Variants in TXNRD1 observed in about 807,000 individuals in gnomAD.
TXNRD1 encodes the protein thioredoxin reductase 1, cytoplasmic.
In TXNRD1, 57 loss-of-function variants were observed where a neutral mutation model predicts 80.3. That is an observed-to-expected ratio of 0.71 (90% CI 0.57 to 0.89). The LOEUF (loss-of-function observed/expected upper bound fraction) is 0.89, where lower values mean the gene tolerates loss of function less well. TXNRD1 is among the 40% of genes least tolerant of loss of function. TXNRD1 has a pLI of 0.00. For missense variants in TXNRD1, 730 were observed against 803.0 expected, an observed-to-expected ratio of 0.91 and a Z score of 1.10; for synonymous variants, 291 against 285.2, an observed-to-expected ratio of 1.02 and a Z score of -0.20.
In TXNRD1 at chr12:104,321,632, T is replaced by C. The variant is rs114107196; in HGVS notation, c.1215+316T>C. ...TCTCTTAATACTTTGTTTCTTCATA[T>C]GTACCAGAGATTTAAATAAGAGTTC... is the stretch of plus-strand genomic sequence containing the variant. On this transcript the variant is annotated intron_variant, in intron 10 of 16. Coordinates refer to ENST00000525566, the MANE Select transcript of TXNRD1 (RefSeq NM_001093771.3). 4.4e-3 allele frequency among the ~76,000 whole-genome samples: 664 copies of C among 152,304 alleles called. 6 individuals carry two copies. The highest frequency in any genetic ancestry group is 0.015 in the African/African-American group (626 of 41,564).
intron 15 of TXNRD1, among the ~76,000 whole-genome samples, chr12:104,336,157 CA>C (rs1281971898): frequency 6.6e-6 from 1 of 152,234 alleles, no homozygotes; most frequent in Non-Finnish European, 1.5e-5. Context: ...TTCAATTGCT[CA>C]TAGCAGTCAG....
In TXNRD1 at chr12:104,309,947, A is replaced by G. The variant is rs1224062168; in HGVS notation, c.415-1343A>G. 3 of 1,536,000 alleles carry G rather than the reference A, an allele frequency of 2.0e-6. No individual in the cohort carries two copies. In the Admixed American group the frequency reaches 5.9e-5, roughly 30 times the overall value. On this transcript the variant is annotated intron_variant, in intron 4 of 16. Transcript: ENST00000525566. Reference sequence around the variant, plus strand: ...ACTACGTATGCCCGCCATGCTGCCAACAGGTAGCCACAGTGCTGTGCTTCC... The same window carrying G: ...ACTACGTATGCCCGCCATGCTGCCAGCAGGTAGCCACAGTGCTGTGCTTCC...
intron 2 of TXNRD1, among the ~76,000 whole-genome samples, chr12:104,255,955 G>A (rs4964728): frequency 0.79 from 119,875 of 152,110 alleles, 47,509 homozygotes; most frequent in East Asian, 0.87. Context: ...ATTAATTTTC[G>A]ATGTCTTTGG....
At chr12:104,291,104 G>A (rs1334020515) in intron 4 of TXNRD1, 1 of 641,376 alleles carries the variant, frequency 1.6e-6, no homozygotes, top group South Asian at 1.7e-5. Context: ...CATTTAGTGA[G>A]GTATAGTGCC....
chr12:104,339,860 T>C (rs571730781), intron 16 of TXNRD1, among the ~76,000 whole-genome samples: 2 of 152,342 alleles, frequency 1.3e-5, no homozygotes, highest in East Asian at 3.9e-4. Flanking sequence ...CACGTCATAC[T>C]ATACCAGCTT....
At chr12:104,265,967 A>C (rs1219494080) in intron 3 of TXNRD1, 5 of 611,420 alleles carry the variant, frequency 8.2e-6, no homozygotes, top group Non-Finnish European at 8.4e-6. Flanking sequence ...AAAAAAAAAA[A>C]AGAAAAGAAA....
At chr12:104,320,155 C>T (rs377440579) in intron 9 of TXNRD1, among the ~76,000 whole-genome samples, 1 of 152,126 alleles carries the variant, frequency 6.6e-6, no homozygotes, top group African/African-American at 2.4e-5. Context: ...TATTTTTGCC[C>T]GTCAAATGGT....
chr12:104,266,717 A>G (rs143874923), intron 3 of TXNRD1, among the ~76,000 whole-genome samples: 1 of 152,128 alleles, frequency 6.6e-6, no homozygotes, highest in African/African-American at 2.4e-5. Context: ...TACTCCTAGC[A>G]CTTTGGGAGG....
At chr12:104,287,190 A>G in intron 3 of TXNRD1, 1 of 1,577,512 alleles carries the variant, frequency 6.3e-7, no homozygotes. Context: ...GCCGGCGGGG[A>G]CGACAGCATT....
chr12:104,265,850 C>G, intron 3 of TXNRD1: 1 of 1,392,612 alleles, frequency 7.2e-7, no homozygotes, highest in Non-Finnish European at 9.9e-7. Flanking sequence ...GTGCAGGGCC[C>G]TCGTCCGGGT....
intron 16 of TXNRD1, among the ~76,000 whole-genome samples, chr12:104,343,525 C>T (rs777678770): frequency 6.6e-6 from 1 of 152,076 alleles, no homozygotes; most frequent in Non-Finnish European, 1.5e-5. Context: ...AGAGGCCAGG[C>T]GTGGTGGCTC....
At chr12:104,240,242 CAG>C (rs1210204914) in intron 1 of TXNRD1, among the ~76,000 whole-genome samples, 2 of 152,168 alleles carry the variant, frequency 1.3e-5, no homozygotes, top group East Asian at 3.9e-4. Flanking sequence ...GTTACTGAAT[CAG>C]AGAGAGTCTA....
intron 4 of TXNRD1, chr12:104,291,196 CTTTTTTTTTTTTT>C: frequency 7.4e-6 from 1 of 135,598 alleles, no homozygotes; most frequent in Non-Finnish European, 1.4e-5. Context: ...TACTTTGTGT[CTTTTTTTTTTTTT>C]TTTTTTTTTG....
intron 9 of TXNRD1, 68 bp from the exon 10 acceptor site, chr12:104,321,023 G>T (rs1020948953): frequency 1.4e-5 from 16 of 1,105,372 alleles, no homozygotes; most frequent in Non-Finnish European, 2.0e-5. Flanking sequence ...TGTGTACTTG[G>T]ATTTAGTAAT....
intron 1 of TXNRD1, among the ~76,000 whole-genome samples, chr12:104,222,905 C>T (rs769335133): frequency 3.3e-5 from 5 of 152,048 alleles, no homozygotes; most frequent in East Asian, 1.9e-4. Context: ...CAGAAATGTA[C>T]GAGTTAACAT....
intron 2 of TXNRD1, among the ~76,000 whole-genome samples, chr12:104,252,658 T>TATA (rs1491493630): frequency 2.5e-3 from 26 of 10,340 alleles, no homozygotes; most frequent in East Asian, 0.011. Flanking sequence ...TAATTTATTA[T>TATA]TTTTTATATA....
At chr12:104,293,706 C>T (rs1019143135) in intron 4 of TXNRD1, among the ~76,000 whole-genome samples, 4 of 152,046 alleles carry the variant, frequency 2.6e-5, no homozygotes, top group Admixed American at 6.6e-5. Context: ...TCCCTGTGTG[C>T]GGCGACGAGA....
chr12:104,215,978 A>C, intron 1 of TXNRD1, 85 bp downstream of exon 1: 1 of 1,199,816 alleles, frequency 8.3e-7, no homozygotes, highest in Non-Finnish European at 1.2e-6. Context: ...AGTGCCCCGG[A>C]GCCCTGGCCT....
chr12:104,245,632 G>A (rs1327790567), intron 1 of TXNRD1, among the ~76,000 whole-genome samples: 4 of 133,886 alleles, frequency 3.0e-5, no homozygotes, highest in African/African-American at 1.1e-4. Context: ...CTGGGTGTTG[G>A]AGCAAGACCC....
Sources: allele counts gnomAD v4.1 joint callset (sites outside exome capture counted in the v4.1 genomes callset), GRCh38; gene constraint gnomAD v4.1.1; transcripts MANE v1.5; gene names NCBI Gene and HGNC (gene_info 2026-07-23, HGNC 2026-07-21).